MAN2B2: variants seen among roughly 807,000 people sequenced by gnomAD.
MAN2B2 encodes mannosidase alpha class 2B member 2.
In MAN2B2, 106 loss-of-function variants were observed where a neutral mutation model predicts 117.1. The ratio of observed to expected loss-of-function variants is 0.90; its 90% CI spans 0.77 to 1.06. The LOEUF is 1.06. Ranked by LOEUF, MAN2B2 falls within the 50% of genes least tolerant of loss-of-function variation. MAN2B2 has a pLI of 0.00. For missense variants in MAN2B2, 1,326 were observed against 1,381.4 expected (o/e 0.96, Z 0.64); for synonymous variants, 544 against 595.1 (o/e 0.91, Z 1.25).
intron 10 of MAN2B2, among the ~76,000 whole-genome samples, chr4:6,601,475 G>T (rs1385439821): frequency 6.6e-6 from 1 of 151,654 alleles, no homozygotes; most frequent in Non-Finnish European, 1.5e-5. Flanking sequence ...ACTCCAGCCT[G>T]GGCAACAAGA....
intron 18 of MAN2B2, 130 bp downstream of exon 18, chr4:6,620,174 C>T: frequency 1.4e-6 from 1 of 720,614 alleles, no homozygotes; most frequent in East Asian, 2.8e-5. Context: ...CTTTCCTACT[C>T]TGAACCCGCA....
At chr4:6,612,903 G>A (rs1438580704) in intron 15 of MAN2B2, among the ~76,000 whole-genome samples, 1 of 152,224 alleles carries the variant, frequency 6.6e-6, no homozygotes, top group Non-Finnish European at 1.5e-5. Flanking sequence ...GGGCCTCAGG[G>A]CCTGGAGCCC....
intron 15 of MAN2B2, among the ~76,000 whole-genome samples, chr4:6,613,711 A>C (rs1474298536): frequency 1.0e-5 from 1 of 98,900 alleles, no homozygotes; most frequent in Non-Finnish European, 1.9e-5. Flanking sequence ...GAAGTGAGGG[A>C]GGGAGGGGAA....
intron 4 of MAN2B2, 22 bp downstream of exon 4, chr4:6,587,190 C>T (rs752331444): frequency 1.2e-6 from 2 of 1,604,214 alleles, no homozygotes; most frequent in Non-Finnish European, 1.7e-6. Flanking sequence ...GCCGCGTCTG[C>T]TGCCGCCCAG....
chr4:6,591,426 G>A (rs565704400), intron 5 of MAN2B2, among the ~76,000 whole-genome samples: 3 of 152,232 alleles, frequency 2.0e-5, no homozygotes, highest in East Asian at 1.9e-4. Flanking sequence ...ACTGTGGAGC[G>A]GACTGAACAC....
chr4:6,607,709 G>C (rs1467528383), intron 11 of MAN2B2, among the ~76,000 whole-genome samples: 1 of 152,170 alleles, frequency 6.6e-6, no homozygotes, highest in East Asian at 1.9e-4. Flanking sequence ...ACAAGTTTTT[G>C]TGTGGACATA....
chr4:6,575,647 C>T (rs1726027697), intron 1 of MAN2B2, among the ~76,000 whole-genome samples: 1 of 152,186 alleles, frequency 6.6e-6, no homozygotes. Context: ...AAGCCTGGAG[C>T]AGGAGAGGGT....
At chr4:6,598,070 G>T in intron 8 of MAN2B2, 128 bp from the exon 9 acceptor site, 1 of 998,736 alleles carries the variant, frequency 1.0e-6, no homozygotes. Flanking sequence ...AAAATGGCGG[G>T]GACTGCCCCC....
intron 17 of MAN2B2, 126 bp from the exon 18 acceptor site, chr4:6,619,801 C>T (rs1382010491): frequency 1.3e-6 from 1 of 751,630 alleles, no homozygotes; most frequent in Non-Finnish European, 2.3e-6. Context: ...GTGTCAGGCA[C>T]CAGGGGAGGA....
chr4:6,606,863 G>A (rs938134045), intron 11 of MAN2B2, among the ~76,000 whole-genome samples: 21 of 152,308 alleles, frequency 1.4e-4, no homozygotes, highest in South Asian at 1.2e-3. Context: ...GGAAGCCAAG[G>A]GTGCAGACAC....
chr4:6,592,979 A>T (rs1256339963), intron 5 of MAN2B2, among the ~76,000 whole-genome samples, 194 bp from the exon 6 acceptor site: 10 of 152,204 alleles, frequency 6.6e-5, no homozygotes, highest in Non-Finnish European at 1.5e-4. Flanking sequence ...CCGGGGTCTG[A>T]TGGGCGAGAA....
intron 3 of MAN2B2, among the ~76,000 whole-genome samples, chr4:6,579,549 C>CACTACCACTACAATT (rs1726346432): frequency 2.0e-5 from 3 of 149,930 alleles, no homozygotes; most frequent in Non-Finnish European, 4.4e-5. Flanking sequence ...CTATGACCAC[C>CACTACCACTACAATT]ACTACCACTA....
At chr4:6,600,015 A>C (rs4334820) in intron 9 of MAN2B2, among the ~76,000 whole-genome samples, 1 of 152,058 alleles carries the variant, frequency 6.6e-6, no homozygotes, top group Non-Finnish European at 1.5e-5. Flanking sequence ...AAGTGTCCCC[A>C]GCAGAGGGAA....
At chr4:6,612,575 G>T (rs1019070758) in intron 15 of MAN2B2, among the ~76,000 whole-genome samples, 3 of 152,242 alleles carry the variant, frequency 2.0e-5, no homozygotes, top group Non-Finnish European at 2.9e-5. Context: ...TCACAGCCAT[G>T]TCTCCCAGGA....
intron 10 of MAN2B2, among the ~76,000 whole-genome samples, chr4:6,603,836 G>A (rs1404555019): frequency 6.6e-6 from 1 of 152,154 alleles, no homozygotes; most frequent in Non-Finnish European, 1.5e-5. Flanking sequence ...ATCAATGTGG[G>A]ATCAGGCAGA....
chr4:6,607,406 T>C (rs1727595383), intron 11 of MAN2B2, among the ~76,000 whole-genome samples: 1 of 152,176 alleles, frequency 6.6e-6, no homozygotes, highest in Admixed American at 6.5e-5. Context: ...TGTTTCACCA[T>C]GTTGCCCAGG....
intron 10 of MAN2B2, among the ~76,000 whole-genome samples, chr4:6,603,792 T>G (rs988007670): frequency 3.2e-4 from 48 of 150,702 alleles, no homozygotes; most frequent in Admixed American, 2.3e-3. Context: ...TTGCAGGGGC[T>G]GGGGACACAT....
At chr4:6,610,109 A>T in intron 13 of MAN2B2, 59 bp downstream of exon 13, 1 of 1,597,102 alleles carries the variant, frequency 6.3e-7, no homozygotes, top group South Asian at 1.1e-5. Flanking sequence ...GGACCCATTA[A>T]GCATCAAATT....
In MAN2B2 at chr4:6,593,156, C is replaced by G; in HGVS notation, c.681-17C>G. The stretch of plus-strand genomic sequence containing the variant: ...CAGAGTTCGTGTCTTCTGCCCTAAC[C>G]TTCTGCCCTCGCACAGGTCAGGATT... On this transcript the variant is annotated splice_polypyrimidine_tract_variant and intron_variant, in intron 5 of 18. Transcript: ENST00000285599. 6 of 1,612,068 alleles carry G rather than the reference C, an allele frequency of 3.7e-6. No individual in the cohort carries two copies. Among genetic ancestry groups the G allele is most frequent in the Non-Finnish European group, 5.1e-6 (6 of 1,179,070 alleles).
Sources: allele counts gnomAD v4.1 joint callset (sites outside exome capture counted in the v4.1 genomes callset), GRCh38; gene constraint gnomAD v4.1.1; transcripts MANE v1.5; gene names NCBI Gene and HGNC (gene_info 2026-07-23, HGNC 2026-07-21).